The following ITGA8 variants were observed in gnomAD, a reference collection of about 807,000 sequenced individuals.
ITGA8 encodes the protein integrin subunit alpha 8.
Under a neutral mutation model 142.3 loss-of-function variants are expected in ITGA8, and 91 were observed. The observed-to-expected ratio is 0.64, with a 90% confidence interval of 0.54 to 0.76. ITGA8 has a LOEUF of 0.76. Among genes scored for constraint, ITGA8 ranks in the 30% least tolerant of loss-of-function variants. The pLI, the probability that ITGA8 is intolerant of heterozygous loss-of-function variation, is 0.00. For synonymous variants in ITGA8, 505 were observed against 485.2 expected (o/e 1.04, Z -0.54); for missense variants, 1,406 against 1,327.7 (o/e 1.06, Z -0.92).
chr10:15,622,939 A>G (rs1248501923), intron 13 of ITGA8, among the ~76,000 whole-genome samples: 1 of 152,188 alleles, frequency 6.6e-6, no homozygotes, highest in Non-Finnish European at 1.5e-5. Context: ...TGTGAATTGG[A>G]AAAGATTAGT....
intron 27 of ITGA8, among the ~76,000 whole-genome samples, chr10:15,547,345 G>A (rs921430614): frequency 3.9e-5 from 6 of 152,208 alleles, no homozygotes; most frequent in Non-Finnish European, 5.9e-5. Flanking sequence ...ACTGAAGCAC[G>A]TGGATCAGTC....
rs200698103 is a variant in ITGA8 at position 15,536,295 on chromosome 10, GA to G, written c.2881-5145del. 3.4e-4 allele frequency among the ~76,000 whole-genome samples: 51 copies of G among 150,416 alleles called. 1 individual carries two copies. The highest frequency in any genetic ancestry group is 2.5e-4 in the Non-Finnish European group (17 of 67,456). On this transcript the variant is annotated intron_variant, in intron 27 of 29. Coordinates refer to ENST00000378076, the MANE Select transcript of ITGA8 (RefSeq NM_003638.3). Reference sequence around the variant, plus strand: ...AGGTTTCTTCCACCCTTGTTGGAAGGAAAAAAAAATGCATCTTCACTTTTAA... The same window carrying G: ...AGGTTTCTTCCACCCTTGTTGGAAGGAAAAAAAATGCATCTTCACTTTTAA...
At chr10:15,617,650 CG>C (rs1260284323) in intron 13 of ITGA8, among the ~76,000 whole-genome samples, 2 of 152,160 alleles carry the variant, frequency 1.3e-5, no homozygotes, top group African/African-American at 4.8e-5. Flanking sequence ...CCACCCGCCT[CG>C]GCCTCCCAAA....
At position 15,657,509 on chromosome 10, in the gene ITGA8, C is replaced by CTTTTTTT. The variant is rs534714654; in HGVS notation, c.948+1489_948+1490insAAAAAAA. On this transcript the variant is annotated intron_variant, in intron 10 of 29. Transcript: ENST00000378076. Reference sequence around the variant, plus strand: ...CTGCTGGTTTCTTTTTCTTTTCTTTCATTTTTTTTTTTTTTTTTTTTTAAC... The same window carrying CTTTTTTT: ...CTGCTGGTTTCTTTTTCTTTTCTTTCTTTTTTTATTTTTTTTTTTTTTTTTTTTTAAC... Among the ~76,000 whole-genome samples, 162 of 116,464 alleles carry CTTTTTTT rather than the reference C, an allele frequency of 1.4e-3. 18 individuals carry two copies. The highest frequency in any genetic ancestry group is 0.012 in the Middle Eastern group (2 of 162). The allele number at this position is 116,464 out of a possible 152,430, so 76.4% of individuals were successfully genotyped here. A position where few individuals can be genotyped will look rare whatever the true frequency, so the allele number is the denominator to read the frequency against.
At chr10:15,646,784 A>G (rs961815030) in intron 12 of ITGA8, 62 bp downstream of exon 12, 40 of 1,250,304 alleles carry the variant, frequency 3.2e-5, no homozygotes, top group Middle Eastern at 3.8e-4. Context: ...TAAAACAGGC[A>G]TGGTCTCCTT....
chr10:15,604,427 T>A, intron 19 of ITGA8, 72 bp from the exon 20 acceptor site: 1 of 1,294,202 alleles, frequency 7.7e-7, no homozygotes, highest in Non-Finnish European at 1.1e-6. Flanking sequence ...ATTTAAGGAT[T>A]TATAGAGGAG....
intron 8 of ITGA8, among the ~76,000 whole-genome samples, chr10:15,663,528 C>G (rs894155854): frequency 6.6e-6 from 1 of 151,706 alleles, no homozygotes; most frequent in African/African-American, 2.4e-5. Context: ...TATTTATTTT[C>G]TTGGGTCAAA....
Position 15,618,288 on chromosome 10 carries a change from T to TA in ITGA8, c.1400-1730dup, listed in dbSNP as rs1351117253. 2.6e-5 allele frequency among the ~76,000 whole-genome samples: 4 copies of TA among 152,154 alleles called. No individual in the cohort carries two copies. In the East Asian group the frequency reaches 7.7e-4, roughly 29 times the overall value. ...GAAATAAGGGCCACAGAAGAAGACT[T>TA]ACAACAGTTGAAACTATAATTGGTT... On this transcript the variant is annotated intron_variant, in intron 13 of 29. Coordinates refer to ENST00000378076, the MANE Select transcript of ITGA8 (RefSeq NM_003638.3).
At chr10:15,669,565 G>T (rs1024371859) in intron 8 of ITGA8, among the ~76,000 whole-genome samples, 7 of 152,192 alleles carry the variant, frequency 4.6e-5, no homozygotes, top group Non-Finnish European at 1.0e-4. Flanking sequence ...CTGGTGAGAG[G>T]CTGCGTTCCT....
intron 27 of ITGA8, among the ~76,000 whole-genome samples, chr10:15,535,358 G>T (rs1392219631): frequency 6.6e-6 from 1 of 152,220 alleles, no homozygotes; most frequent in South Asian, 2.1e-4. Context: ...CTCCACCTGC[G>T]GCGCCGGTGC....
intron 13 of ITGA8, 82 bp downstream of exon 13, chr10:15,643,948 G>T: frequency 1.6e-6 from 2 of 1,273,016 alleles, no homozygotes; most frequent in Non-Finnish European, 2.2e-6. Flanking sequence ...GAAGAAAACT[G>T]CCTTTGCATG....
chr10:15,701,709 T>C (rs1317162311), intron 2 of ITGA8, among the ~76,000 whole-genome samples: 2 of 152,184 alleles, frequency 1.3e-5, no homozygotes, highest in Non-Finnish European at 2.9e-5. Context: ...TTTTGAAAAC[T>C]ATTTATAAAG....
At chr10:15,684,813 G>A (rs1834806315) in intron 3 of ITGA8, among the ~76,000 whole-genome samples, 1 of 152,122 alleles carries the variant, frequency 6.6e-6, no homozygotes, top group Non-Finnish European at 1.5e-5. Context: ...ATTAATCAGT[G>A]TGATGTCTTA....
chr10:15,551,943 T>C (rs940058439), intron 26 of ITGA8, among the ~76,000 whole-genome samples: 4 of 152,096 alleles, frequency 2.6e-5, no homozygotes, highest in African/African-American at 9.7e-5. Flanking sequence ...TCTGAGAGTT[T>C]TTATGATATT....
chr10:15,569,492 G>T (rs1834140583), intron 25 of ITGA8, among the ~76,000 whole-genome samples: 1 of 152,180 alleles, frequency 6.6e-6, no homozygotes, highest in Admixed American at 6.6e-5. Context: ...TACTGGAATT[G>T]AATTCTTGCC....
chr10:15,709,528 A>C (rs1711943506), intron 2 of ITGA8, among the ~76,000 whole-genome samples: 1 of 152,234 alleles, frequency 6.6e-6, no homozygotes, highest in Non-Finnish European at 1.5e-5. Flanking sequence ...ATGATGTTTG[A>C]CACTACTTCA....
At chr10:15,519,580 C>G (rs1833019825) in intron 28 of ITGA8, among the ~76,000 whole-genome samples, 168 bp from the exon 29 acceptor site, 1 of 152,076 alleles carries the variant, frequency 6.6e-6, no homozygotes. Flanking sequence ...CTCTTAAAAG[C>G]TAGCATGTTC....
intron 27 of ITGA8, among the ~76,000 whole-genome samples, chr10:15,542,431 C>T (rs561130155): frequency 1.3e-5 from 2 of 152,294 alleles, no homozygotes; most frequent in East Asian, 3.9e-4. Flanking sequence ...ACTATTACTA[C>T]TGTATTGGAC....
intron 23 of ITGA8, among the ~76,000 whole-genome samples, chr10:15,580,126 T>TAAAAAAAAAAAA (rs35286236): frequency 1.1e-4 from 12 of 108,880 alleles, no homozygotes; most frequent in Middle Eastern, 4.8e-3. Context: ...TCAGAAAATG[T>TAAAAAAAAAAAA]AAAAAAAAAA....
Sources: gnomAD v4.1 joint callset for allele counts (sites outside exome capture counted in the v4.1 genomes callset) on GRCh38, gnomAD v4.1.1 for gene constraint, MANE v1.5 for transcripts, NCBI Gene and HGNC (gene_info 2026-07-23, HGNC 2026-07-21) for gene names.